Variants in TCIRG1 observed in about 807,000 individuals in gnomAD.
TCIRG1 encodes the protein V-type proton ATPase 116 kDa subunit a 3.
A neutral mutation model predicts 95.5 loss-of-function variants in TCIRG1; 86 were observed. That is an observed-to-expected ratio of 0.90 (90% CI 0.76 to 1.08). TCIRG1 has a LOEUF of 1.08. Among genes scored for constraint, TCIRG1 ranks in the 50% least tolerant of loss-of-function variants. The pLI is 0.00. For synonymous variants in TCIRG1, 499 were observed against 501.3 expected, an observed-to-expected ratio of 1.00 and a Z score of 0.06; for missense variants, 1,069 against 1,140.2, an observed-to-expected ratio of 0.94 and a Z score of 0.90.
intron 8 of TCIRG1, 26 bp downstream of exon 8, chr11:68,043,933 C>T (rs1368825250): frequency 1.2e-5 from 18 of 1,510,796 alleles, no homozygotes; most frequent in Admixed American, 3.9e-5. Flanking sequence ...CTTCCGGAGG[C>T]GGGTGTAGGA....
At position 68,042,814 on chromosome 11, in the gene TCIRG1, A is replaced by G. The variant is rs1230441468; in HGVS notation, c.368A>G (p.His123Arg). The change falls in exon 4 of 20, where the codon CAC (histidine) becomes CGC (arginine). Residue 123 changes from histidine to arginine, a missense_variant. His to Arg is a conservative substitution (Grantham distance 29, BLOSUM62 0). Transcript: ENST00000265686. ...GNQQALRAQL[H>R]QLQLHAAVLR... Reference sequence around the variant, plus strand: ...CAGCAGGCCCTGCGGGCCCAGCTGCACCAGCTGCAGCTCCACGCCGCCGTG... The same window carrying G: ...CAGCAGGCCCTGCGGGCCCAGCTGCGCCAGCTGCAGCTCCACGCCGCCGTG... 1 of 1,548,572 alleles carries G rather than the reference A, an allele frequency of 6.5e-7. No homozygotes were observed. The highest frequency in any genetic ancestry group is 2.4e-5 in the East Asian group (1 of 40,876).
chr11:68,049,937 C>T (rs1435721645), intron 16 of TCIRG1, 25 bp from the exon 17 acceptor site: 2 of 1,595,644 alleles, frequency 1.3e-6, no homozygotes, highest in Non-Finnish European at 1.7e-6. Context: ...TGGAGTGCTG[C>T]CAACACTGCC....
At position 68,042,816 on chromosome 11, in the gene TCIRG1, C is replaced by G; in HGVS notation, c.370C>G (p.Gln124Glu). 1.3e-6 allele frequency: 2 copies of G among 1,548,696 alleles called. No homozygotes were observed. Among genetic ancestry groups the G allele is most frequent in the Non-Finnish European group, 1.7e-6 (2 of 1,146,274 alleles). ...NQQALRAQLH[Q>E]LQLHAAVLRQ... ...GCAGGCCCTGCGGGCCCAGCTGCAC[C>G]AGCTGCAGCTCCACGCCGCCGTGCT... is the stretch of plus-strand genomic sequence containing the variant. Residue 124 changes from glutamine (Q) to glutamate (E), a missense_variant, in exon 4 of 20, where the codon CAG becomes GAG. Coordinates refer to ENST00000265686, the MANE Select transcript of TCIRG1 (RefSeq NM_006019.4).
chr11:68,047,998 G>A lies in TCIRG1; in HGVS notation c.1554+26G>A, dbSNP rs1376575414. 6.9e-6 allele frequency: 11 copies of A among 1,602,654 alleles called. No individual in the cohort carries two copies. The South Asian group carries it at 1.1e-4, about 16-fold the overall frequency. On this transcript the variant is annotated intron_variant, in intron 13 of 19. Transcript: ENST00000265686. Reference sequence around the variant, plus strand: ...GTGAGTCCTGGGATGGAGTGTCCGTGGGTGGTGAAGGCAGCTGGGAGTGGG... The same window carrying A: ...GTGAGTCCTGGGATGGAGTGTCCGTAGGTGGTGAAGGCAGCTGGGAGTGGG...
At chr11:68,041,874 G>A in intron 3 of TCIRG1, 43 bp downstream of exon 3, 2 of 1,526,418 alleles carry the variant, frequency 1.3e-6, no homozygotes, top group Non-Finnish European at 1.8e-6. Context: ...GCTTCCTGGA[G>A]GAGGCATGGG....
At chr11:68,040,749 C>T (rs761804390) in intron 1 of TCIRG1, among the ~76,000 whole-genome samples, 1 of 152,220 alleles carries the variant, frequency 6.6e-6, no homozygotes. Context: ...GCGGCCCGGG[C>T]CTCAGGGGAC....
At position 68,041,176 on chromosome 11, in the gene TCIRG1, C is replaced by T. The variant is rs1462975180; in HGVS notation, c.-4-92C>T. On this transcript the variant is annotated intron_variant, in intron 1 of 19. Transcript: ENST00000265686. The stretch of plus-strand genomic sequence containing the variant: ...AGATGGGGGTGGTAACAGCAGCTTC[C>T]AGGATTCAGTGAGTGAAGGTGCACA... The T allele has an allele frequency of 4.5e-6, 4 of 879,932 alleles. No homozygotes were observed. In the East Asian group the frequency reaches 7.2e-5, roughly 16 times the overall value. 54.5% of individuals were successfully genotyped at this position (879,932 alleles called of 1,614,324 possible).
At chr11:68,043,256 G>A in intron 5 of TCIRG1, 115 bp from the exon 6 acceptor site, 5 of 1,487,556 alleles carry the variant, frequency 3.4e-6, no homozygotes, top group Non-Finnish European at 3.6e-6. Context: ...TGTGGGCAGG[G>A]CCAGTGTGCC....
Position 68,049,769 on chromosome 11 carries a change from G to A in TCIRG1, c.1994G>A (p.Arg665Lys). ...CACCGCCACCGCCGCCGCCTGCGGA[G>A]GAGGCCCGCTGACCGACAGGTGGGA... ...LLHRHRRRLRRRPADRQEENK... is the reference protein window; with the variant it reads ...LLHRHRRRLRKRPADRQEENK... Residue 665 changes from arginine (R) to lysine (K), a missense_variant, in exon 16 of 20, where the codon AGG (arginine) becomes AAG (lysine). Transcript: ENST00000265686. The A allele has an allele frequency of 6.4e-7, 1 of 1,574,352 alleles. No individual in the cohort carries two copies. Among genetic ancestry groups the A allele is most frequent in the South Asian group, 1.1e-5 (1 of 87,366 alleles).
chr11:68,041,772 C>G lies in TCIRG1; in HGVS notation c.137C>G (p.Ala46Gly), dbSNP rs746760136. Residue 46 changes from alanine (A) to glycine (G), a missense_variant, in exon 3 of 20, where the codon GCC (alanine) becomes GGC (glycine). Physicochemically the swap from Ala to Gly is moderately conservative, Grantham distance 60. Transcript: ENST00000265686. ...CCACAGCTCAACGCCTCGGTGAGCG[C>G]CTTCCAGAGACGCTTTGTGGTTGAT... Reference protein sequence around the residue: ...EFRDLNASVSAFQRRFVVDVR... With the variant: ...EFRDLNASVSGFQRRFVVDVR... The G allele has an allele frequency of 5.0e-6, 8 of 1,610,046 alleles. No individual in the cohort carries two copies. Among genetic ancestry groups the G allele is most frequent in the Admixed American group, 1.7e-5 (1 of 59,620 alleles).
intron 1 of TCIRG1, chr11:68,039,882 CA>C (rs1855078047): frequency 6.6e-6 from 1 of 152,210 alleles, no homozygotes; most frequent in Non-Finnish European, 1.5e-5. Flanking sequence ...GGCCCTGAGC[CA>C]GGGGTGACCC....
chr11:68,049,339 G>C (rs1379379250), intron 15 of TCIRG1, 45 bp downstream of exon 15: 1 of 1,558,952 alleles, frequency 6.4e-7, no homozygotes, highest in Admixed American at 1.8e-5. Flanking sequence ...GCCTCATGGG[G>C]ACCCCGCGGT....
chr11:68,050,770 G>T lies in TCIRG1; in HGVS notation c.2444G>T (p.Gly815Val). 1 of 1,613,850 alleles carries T rather than the reference G, an allele frequency of 6.2e-7. No homozygotes were observed. The highest frequency in any genetic ancestry group is 1.3e-5 in the African/African-American group (1 of 75,052). The change falls in exon 20 of 20, where the codon GGC becomes GTC. Residue 815 changes from glycine to valine, a missense_variant. Physicochemically the swap from Gly to Val is moderately radical, Grantham distance 109 (BLOSUM62 -3). Transcript: ENST00000265686. ...WVEFQNKFYS[G>V]TGYKLSPFTF... ...GAATTCCAGAACAAGTTCTACTCAG[G>T]CACGGGCTACAAGCTGAGTCCCTTC...
intron 5 of TCIRG1, 65 bp from the exon 6 acceptor site, chr11:68,043,306 G>A (rs1177596405): frequency 5.5e-5 from 83 of 1,522,812 alleles, no homozygotes; most frequent in Non-Finnish European, 7.0e-5. Context: ...GTCCTGCCCG[G>A]GGGGCCTGGT....
chr11:68,043,937 T>G, intron 8 of TCIRG1, 30 bp downstream of exon 8: 1 of 1,510,904 alleles, frequency 6.6e-7, no homozygotes. Flanking sequence ...CGGAGGCGGG[T>G]GTAGGAGGTG....
At chr11:68,051,890 G>A (rs895732347), downstream of TCIRG1, among the ~76,000 whole-genome samples, 8 of 152,204 alleles carry the variant, frequency 5.3e-5, no homozygotes, top group African/African-American at 1.7e-4. Flanking sequence ...AGCACTCGTG[G>A]TGAGTGGCCC....
intron 9 of TCIRG1, 151 bp from the exon 10 acceptor site, chr11:68,044,807 C>T (rs1233952665): frequency 1.0e-6 from 1 of 974,690 alleles, no homozygotes; most frequent in Non-Finnish European, 1.6e-6. Flanking sequence ...CAGGGCAGAG[C>T]AGGGCTGATC....
chr11:68,049,098 A>G lies in TCIRG1; in HGVS notation c.1691A>G (p.His564Arg). The G allele has an allele frequency of 3.1e-6, 5 of 1,613,566 alleles. No individual in the cohort carries two copies. The highest frequency in any genetic ancestry group is 4.2e-6 in the Non-Finnish European group (5 of 1,180,002). ...CCCGCCAGGCACTTTGGCCAGAGGCACCGGCTGCTGCTGGAGACGCTGCCG... is the reference window on the plus strand; with the variant it reads ...CCCGCCAGGCACTTTGGCCAGAGGCGCCGGCTGCTGCTGGAGACGCTGCCG... ...VFNHVHFGQRHRLLLETLPEL... is the reference protein window; with the variant it reads ...VFNHVHFGQRRRLLLETLPEL... The change falls in exon 15 of 20, where the codon CAC (histidine) becomes CGC (arginine). Residue 564 changes from histidine (H) to arginine (R), a missense_variant. By Grantham distance (29) the His-to-Arg change is conservative. Transcript: ENST00000265686.
downstream of TCIRG1, chr11:68,053,058 A>G (rs889329719): frequency 5.9e-5 from 9 of 152,472 alleles, no homozygotes; most frequent in Non-Finnish European, 7.4e-5. Flanking sequence ...CTCCCACAAG[A>G]ATGATGATGT....
Sources: gnomAD v4.1 joint callset for allele counts (sites outside exome capture counted in the v4.1 genomes callset) on GRCh38, gnomAD v4.1.1 for gene constraint, MANE v1.5 for transcripts, NCBI Gene and HGNC (gene_info 2026-07-23, HGNC 2026-07-21) for gene names.